Variants in NCK1 observed in about 807,000 individuals in gnomAD.
The protein encoded by NCK1 is NCK adaptor protein 1, also known as SH2/SH3 adapter protein NCK1.
In NCK1, 19 loss-of-function variants were observed where a neutral mutation model predicts 36.6. The ratio of observed to expected loss-of-function variants is 0.52; its 90% confidence interval spans 0.36 to 0.76. The LOEUF is 0.76. Ranked by LOEUF, NCK1 falls within the 30% of genes least tolerant of loss-of-function variation. The pLI, the probability that NCK1 is intolerant of heterozygous loss-of-function variation, is 0.00. For synonymous variants in NCK1, 165 were observed against 156.0 expected (o/e 1.06, Z -0.43); for missense variants, 358 against 445.6 (o/e 0.80, Z 1.77).
intron 1 of NCK1, among the ~76,000 whole-genome samples, chr3:136,896,707 C>A (rs1165273718): frequency 1.3e-5 from 2 of 152,064 alleles, no homozygotes; most frequent in Non-Finnish European, 2.9e-5. Flanking sequence ...CACTATGTTG[C>A]CCAAACTGGT....
rs1940922702 is a variant in NCK1 at position 136,949,640 on chromosome 3, T to A, written c.*1187T>A. The A allele has an allele frequency of 6.6e-6, 1 of 152,006 alleles. No individual in the cohort carries two copies. Among genetic ancestry groups the A allele is most frequent in the African/African-American group, 2.4e-5 (1 of 41,436 alleles). 9.4% of individuals were successfully genotyped at this position (152,006 alleles called of 1,614,324 possible). ...TTTGTCCCCCTATTATTCTGGAGAT[T>A]TAAATTTAAGTAAAGTAGCCATCAG... On this transcript the variant is annotated 3_prime_UTR_variant, in exon 4 of 4. Coordinates refer to ENST00000481752, the MANE Select transcript of NCK1 (RefSeq NM_001291999.2).
rs835647 is a variant in NCK1, at chr3:136,950,237, C to T, written c.*1784C>T. On this transcript the variant is annotated 3_prime_UTR_variant, in exon 4 of 4. Transcript: ENST00000481752. ...TTTTCTCTGTATGTTTCTGGGTTTT[C>T]CCCCAGTCTTCCTTATGAAAAAAAT... Among the ~76,000 whole-genome samples the T allele has an allele frequency of 0.68, 103,599 of 151,916 alleles. 35,610 individuals are homozygous for T. The highest frequency in any genetic ancestry group is 0.87 in the East Asian group (4,498 of 5,188).
At chr3:136,906,159 A>T (rs536082866) in intron 1 of NCK1, among the ~76,000 whole-genome samples, 1 of 152,262 alleles carries the variant, frequency 6.6e-6, no homozygotes, top group Admixed American at 6.5e-5. Context: ...GGTATGTGTC[A>T]TAGTGTAGTC....
chr3:136,864,346 C>G (rs972858998), intron 1 of NCK1, among the ~76,000 whole-genome samples: 1 of 151,496 alleles, frequency 6.6e-6, no homozygotes, highest in African/African-American at 2.4e-5. Flanking sequence ...CAAAAATTAT[C>G]CGGGCGTGGT....
At position 136,877,162 on chromosome 3, in the gene NCK1, T is replaced by C. The variant is rs568544740; in HGVS notation, c.-19+14809T>C. On this transcript the variant is annotated intron_variant, in intron 1 of 3. Transcript: ENST00000481752. ...AAACACTATAATTATCAAATGAATC[T>C]AATTGACATGCATTGAATATTTCAC... Among the ~76,000 whole-genome samples, 5 of 152,302 alleles carry C rather than the reference T, an allele frequency of 3.3e-5. No homozygotes were observed. The East Asian group carries it at 9.6e-4, about 29-fold the overall frequency.
chr3:136,907,080 T>G (rs1390211585), intron 1 of NCK1, among the ~76,000 whole-genome samples: 1 of 152,076 alleles, frequency 6.6e-6, no homozygotes, highest in Non-Finnish European at 1.5e-5. Context: ...GGGGTTGCTG[T>G]CAGTGGGAGC....
intron 1 of NCK1, chr3:136,889,392 G>A (rs969818838): frequency 1.1e-4 from 17 of 154,458 alleles, no homozygotes; most frequent in African/African-American, 3.4e-4. Flanking sequence ...TGGTGGAATC[G>A]TGATCTCGCT....
At chr3:136,865,527 AGACTT>A (rs1299638475) in intron 1 of NCK1, among the ~76,000 whole-genome samples, 5 of 152,256 alleles carry the variant, frequency 3.3e-5, no homozygotes, top group African/African-American at 4.8e-5. Context: ...CTTGTCAGGA[AGACTT>A]GACTTAATGA....
chr3:136,939,027 T>G (rs1205211610), intron 2 of NCK1, among the ~76,000 whole-genome samples: 1 of 152,220 alleles, frequency 6.6e-6, no homozygotes. Flanking sequence ...CTTTTTTCTT[T>G]TTAGAGATGT....
intron 3 of NCK1, among the ~76,000 whole-genome samples, chr3:136,946,582 A>C (rs892892403): frequency 6.6e-6 from 1 of 152,184 alleles, no homozygotes; most frequent in African/African-American, 2.4e-5. Flanking sequence ...CATTAAACTA[A>C]ATGGAGAAAA....
intron 1 of NCK1, among the ~76,000 whole-genome samples, chr3:136,894,230 T>C (rs1432691914): frequency 1.3e-5 from 2 of 152,172 alleles, no homozygotes; most frequent in African/African-American, 2.4e-5. Flanking sequence ...TCAGGATCTC[T>C]AGTACAGCAG....
In NCK1 at chr3:136,944,841, C is replaced by T. The variant is rs188558157; in HGVS notation, c.227-742C>T. Among the ~76,000 whole-genome samples, 6 of 152,238 alleles carry T rather than the reference C, an allele frequency of 3.9e-5. No individual in the cohort carries two copies. The East Asian group carries it at 9.7e-4, about 25-fold the overall frequency. ...AAATGCCTGACTGAAGTTGATGTAG[C>T]GTACATTTGTATTGATAGTACCATT... is the stretch of plus-strand genomic sequence containing the variant. On this transcript the variant is annotated intron_variant, in intron 2 of 3. Coordinates refer to ENST00000481752, the MANE Select transcript of NCK1 (RefSeq NM_001291999.2).
chr3:136,891,241 T>C (rs2108088952), intron 1 of NCK1, among the ~76,000 whole-genome samples: 1 of 152,284 alleles, frequency 6.6e-6, no homozygotes, highest in South Asian at 2.1e-4. Context: ...TTCAAGTAAT[T>C]CTCCTGCCTC....
chr3:136,882,534 CT>C (rs1386479770), intron 1 of NCK1, among the ~76,000 whole-genome samples: 1 of 150,054 alleles, frequency 6.7e-6, no homozygotes, highest in Non-Finnish European at 1.5e-5. Context: ...GTTTACATTA[CT>C]TTCCCACATC....
chr3:136,871,046 TC>T (rs1938602327), intron 1 of NCK1, among the ~76,000 whole-genome samples: 1 of 152,202 alleles, frequency 6.6e-6, no homozygotes, highest in African/African-American at 2.4e-5. Context: ...ACATTTTTTT[TC>T]CTTTTGATTA....
chr3:136,878,946 T>C (rs903382006), intron 1 of NCK1, among the ~76,000 whole-genome samples: 4 of 152,076 alleles, frequency 2.6e-5, no homozygotes, highest in African/African-American at 7.2e-5. Context: ...GGCAATCAAG[T>C]AGGAATTTGG....
intron 1 of NCK1, chr3:136,867,405 A>ATT (rs34322362): frequency 0.56 from 56,971 of 101,580 alleles, 17,610 homozygotes; most frequent in East Asian, 0.72. Context: ...TGTCTGGCTA[A>ATT]TTTTTTTTTT....
At chr3:136,910,287 T>C (rs920484915) in intron 1 of NCK1, among the ~76,000 whole-genome samples, 1 of 152,224 alleles carries the variant, frequency 6.6e-6, no homozygotes, top group Non-Finnish European at 1.5e-5. Context: ...CCAATTTAAA[T>C]TTATACCAGC....
At chr3:136,913,938 G>T (rs1215673259) in intron 1 of NCK1, among the ~76,000 whole-genome samples, 1 of 152,246 alleles carries the variant, frequency 6.6e-6, no homozygotes, top group Non-Finnish European at 1.5e-5. Context: ...GGGATTACAG[G>T]CGTGAGCCAC....
Sources: gnomAD v4.1 joint callset for allele counts (sites outside exome capture counted in the v4.1 genomes callset) on GRCh38, gnomAD v4.1.1 for gene constraint, MANE v1.5 for transcripts, NCBI Gene and HGNC (gene_info 2026-07-23, HGNC 2026-07-21) for gene names.